The following PLAGL1 variants were observed in gnomAD, a reference collection of about 807,000 sequenced individuals.
PLAGL1 encodes PLAG1 like zinc finger 1, also known as zinc finger protein PLAGL1.
PLAGL1 carries 1 observed loss-of-function variant against 4.6 expected under a neutral mutation model. The observed-to-expected ratio is 0.22, with a 90% CI of 0.08 to 1.03. The LOEUF (loss-of-function observed/expected upper bound fraction) is 1.03. Ranked by LOEUF, PLAGL1 falls within the 50% of genes least tolerant of loss-of-function variation. The pLI is 0.58. For missense variants in PLAGL1, 464 were observed against 570.4 expected (o/e 0.81, Z 1.90); for synonymous variants, 240 against 237.8 (o/e 1.01, Z -0.08).
chr6:144,030,852 C>T (rs113702726), intron 1 of PLAGL1, among the ~76,000 whole-genome samples: 4 of 152,276 alleles, frequency 2.6e-5, no homozygotes, highest in East Asian at 3.9e-4. Flanking sequence ...TGGGTAGATA[C>T]CCAGTAGTGG....
In PLAGL1 at chr6:143,967,997, C is replaced by CAAAAAAAAAAAAAAAAAAAAAAAAA. The variant is rs60021436; in HGVS notation, c.-472+909_-472+910insTTTTTTTTTTTTTTTTTTTTTTTTT. ...CATTATGACCATCAAGGACATTTTG[C>CAAAAAAAAAAAAAAAAAAAAAAAAA]AAAAAAAAAAAAAAAAAAAAACAGT... On this transcript the variant is annotated intron_variant, in intron 3 of 7. Coordinates refer to ENST00000674357, the MANE Select transcript of PLAGL1 (RefSeq NM_001317162.2). 2 of 90,020 alleles carry CAAAAAAAAAAAAAAAAAAAAAAAAA rather than the reference C, an allele frequency of 2.2e-5. 1 individual carries two copies. Among genetic ancestry groups the CAAAAAAAAAAAAAAAAAAAAAAAAA allele is most frequent in the Non-Finnish European group, 4.0e-5 (2 of 49,956 alleles). The allele number at this position is 90,020 out of a possible 1,614,324, so 5.6% of individuals were successfully genotyped here.
chr6:143,946,010 G>A (rs1269430133), intron 7 of PLAGL1, among the ~76,000 whole-genome samples: 2 of 151,756 alleles, frequency 1.3e-5, no homozygotes, highest in Non-Finnish European at 2.9e-5. Flanking sequence ...CTTTTTCAGC[G>A]CAGTTTACCA....
At chr6:144,002,274 T>A (rs1016883792) in intron 1 of PLAGL1, among the ~76,000 whole-genome samples, 55 of 152,224 alleles carry the variant, frequency 3.6e-4, no homozygotes, top group African/African-American at 1.3e-3. Flanking sequence ...GAAAATTTCC[T>A]CAATCTGGTA....
rs763180631 is a variant in PLAGL1 at position 143,941,763 on chromosome 6, C to T, written c.1053G>A (p.Leu351=). ...TTACTTTACCAGCATTTCCCTTAGC[C>T]AGATCAAAACCTGGGTTGAGCTTTT... ...SPQKLNPGFD[L]AKGNAGKVNL... The change falls in exon 8 of 8, where the codon CTG becomes CTA. Residue 351 remains leucine (L), a synonymous_variant. Transcript: ENST00000674357. This position sits in a 1 kb window ranked among gnomAD's most constrained non-coding sequence, Gnocchi z 6.0. 7.2e-5 allele frequency: 116 copies of T among 1,614,128 alleles called. No individual in the cohort carries two copies. The highest frequency in any genetic ancestry group is 9.6e-5 in the Non-Finnish European group (113 of 1,180,060).
chr6:144,008,850 G>A (rs923685039), upstream of PLAGL1: 1 of 152,234 alleles, frequency 6.6e-6, no homozygotes, highest in African/African-American at 2.4e-5. The surrounding 1 kb of genome is among the most constrained non-coding windows in gnomAD (Gnocchi z 6.9). Context: ...GCAACACTGG[G>A]AGAAATACCC....
chr6:144,060,889 C>T (rs554861414), intron 1 of PLAGL1, among the ~76,000 whole-genome samples: 171 of 152,290 alleles, frequency 1.1e-3, no homozygotes, highest in African/African-American at 3.9e-3. Flanking sequence ...AGTTGAGTTG[C>T]TAAACAATAA....
At chr6:144,009,677 C>G (rs996953518), upstream of PLAGL1, among the ~76,000 whole-genome samples, 4 of 151,134 alleles carry the variant, frequency 2.6e-5, no homozygotes, top group African/African-American at 9.7e-5. Flanking sequence ...TAGCCCCCCA[C>G]TCCCCAACAG....
upstream of PLAGL1, among the ~76,000 whole-genome samples, chr6:144,012,171 C>T (rs927543856): frequency 6.6e-6 from 1 of 152,036 alleles, no homozygotes. This position sits in a 1 kb window ranked among gnomAD's most constrained non-coding sequence, Gnocchi z 4.8. Context: ...TCTTTGGTTG[C>T]AGCATGTAAG....
Position 144,052,701 on chromosome 6 carries a change from CT to C in PLAGL1, c.-151+11766del, listed in dbSNP as rs555089292. On this transcript the variant is annotated intron_variant, in intron 1 of 3. Coordinates refer to the PLAGL1 transcript ENST00000437412. The stretch of plus-strand genomic sequence containing the variant: ...AGCTTCACACTATGCTGATTAAGCA[CT>C]TTTCTCTTTCCACAACTACTAAACC... Among the ~76,000 whole-genome samples, 3 of 152,200 alleles carry C rather than the reference CT, an allele frequency of 2.0e-5. No homozygotes were observed. In the South Asian group the frequency reaches 6.2e-4, roughly 32 times the overall value.
intron 1 of PLAGL1, among the ~76,000 whole-genome samples, chr6:144,045,740 G>A (rs1798094675): frequency 6.6e-6 from 1 of 152,208 alleles, no homozygotes; most frequent in Admixed American, 6.5e-5. Flanking sequence ...GGCCTGCCTT[G>A]CTAGGTTGGG....
At chr6:144,052,338 A>G (rs1798638303) in intron 1 of PLAGL1, among the ~76,000 whole-genome samples, 1 of 152,210 alleles carries the variant, frequency 6.6e-6, no homozygotes, top group Admixed American at 6.5e-5. Flanking sequence ...ATATTCAATA[A>G]GGGTCCTTTA....
chr6:144,063,711 AG>A lies in PLAGL1; in HGVS notation c.-151+756del, dbSNP rs1306812444. 9.2e-5 allele frequency among the ~76,000 whole-genome samples: 14 copies of A among 152,300 alleles called. No homozygotes were observed. In the East Asian group the frequency reaches 1.9e-3, roughly 21 times the overall value. On this transcript the variant is annotated intron_variant, in intron 1 of 3. Coordinates refer to the PLAGL1 transcript ENST00000437412. This position sits in a 1 kb window ranked among gnomAD's most constrained non-coding sequence, Gnocchi z 5.7. Reference sequence around the variant, plus strand: ...GACCCATGAACACTCGGGAAGCCCCAGGGGTATCTCTGTCCTCGACACAGCA... The same window carrying A: ...GACCCATGAACACTCGGGAAGCCCCAGGGTATCTCTGTCCTCGACACAGCA...
At chr6:144,003,186 T>C (rs1793294024) in intron 1 of PLAGL1, among the ~76,000 whole-genome samples, 1 of 152,100 alleles carries the variant, frequency 6.6e-6, no homozygotes, top group Non-Finnish European at 1.5e-5. Context: ...TTTCAATAAA[T>C]GTGTAGAGTA....
intron 1 of PLAGL1, among the ~76,000 whole-genome samples, chr6:144,035,595 G>A (rs955954098): frequency 3.9e-5 from 6 of 152,168 alleles, no homozygotes; most frequent in Non-Finnish European, 8.8e-5. Flanking sequence ...CTCTGACAGA[G>A]ATGCCCAGGA....
chr6:143,973,783 T>C lies in PLAGL1; in HGVS notation c.-543-4805A>G, dbSNP rs1785889935. On this transcript the variant is annotated intron_variant, in intron 2 of 7. Transcript: ENST00000674357. This position sits in a 1 kb window ranked among gnomAD's most constrained non-coding sequence, Gnocchi z 6.2. ...CAATAAGCTACTACAACGTGATGAA[T>C]TCAGAGCTGCAGTTTCTAGGGTTAC... 6.6e-6 allele frequency among the ~76,000 whole-genome samples: 1 copy of C among 152,202 alleles called. No homozygotes were observed. Among genetic ancestry groups the C allele is most frequent in the African/African-American group, 2.4e-5 (1 of 41,452 alleles).
intron 1 of PLAGL1, among the ~76,000 whole-genome samples, chr6:143,998,546 C>G (rs1028831309): frequency 1.1e-4 from 16 of 152,146 alleles, no homozygotes; most frequent in African/African-American, 3.9e-4. Context: ...GTAGTGGTAG[C>G]TATTTGGCAA....
At position 143,982,062 on chromosome 6, in the gene PLAGL1, C is replaced by A. The variant is rs540011135; in HGVS notation, c.-544+3073G>T. On this transcript the variant is annotated intron_variant, in intron 2 of 7. Coordinates refer to ENST00000674357, the MANE Select transcript of PLAGL1 (RefSeq NM_001317162.2). This position sits in a 1 kb window ranked among gnomAD's most constrained non-coding sequence, Gnocchi z 5.3. Reference sequence around the variant, plus strand: ...CGCAAAAATTCCTACCCTTGTGAAGCGCACCAATGAATTAAGCTTATCTTT... The same window carrying A: ...CGCAAAAATTCCTACCCTTGTGAAGAGCACCAATGAATTAAGCTTATCTTT... Among the ~76,000 whole-genome samples the A allele has an allele frequency of 6.6e-6, 1 of 152,048 alleles. No individual in the cohort carries two copies. Among genetic ancestry groups the A allele is most frequent in the African/African-American group, 2.4e-5 (1 of 41,398 alleles).
chr6:143,969,778 GA>G (rs200892440), intron 2 of PLAGL1, among the ~76,000 whole-genome samples: 1,575 of 151,172 alleles, frequency 0.01, 31 homozygotes, highest in African/African-American at 0.034. Context: ...AAATATGGGG[GA>G]AAAAAACACC....
In PLAGL1 at chr6:143,954,291, G is replaced by A. The variant is rs905505287; in HGVS notation, c.-324-5831C>T. On this transcript the variant is annotated intron_variant, in intron 6 of 7. Coordinates refer to ENST00000674357, the MANE Select transcript of PLAGL1 (RefSeq NM_001317162.2). The surrounding 1 kb of genome is among the most constrained non-coding windows in gnomAD (Gnocchi z 5.1). ...GGGAAAACTGACACAAAAAGTAACG[G>A]GGAAAAAAAGACTACGGGGGGAAGG... Among the ~76,000 whole-genome samples, 1 of 151,746 alleles carries A rather than the reference G, an allele frequency of 6.6e-6. No homozygotes were observed. The highest frequency in any genetic ancestry group is 1.5e-5 in the Non-Finnish European group (1 of 67,926).
Sources: gnomAD v4.1 joint callset for allele counts (sites outside exome capture counted in the v4.1 genomes callset) on GRCh38, gnomAD v4.1.1 for gene constraint, Gnocchi (gnomAD v3.1) non-coding constraint, MANE v1.5 for transcripts, NCBI Gene and HGNC (gene_info 2026-07-23, HGNC 2026-07-21) for gene names.